The following MDGA2 variants were observed in gnomAD, a reference collection of about 807,000 sequenced individuals.
MDGA2 encodes MAM domain-containing glycosylphosphatidylinositol anchor protein 2.
In MDGA2, 40 loss-of-function variants were observed where a neutral mutation model predicts 117.8. The ratio of observed to expected loss-of-function variants is 0.34; its 90% CI spans 0.26 to 0.44. MDGA2 has a LOEUF of 0.44. Ranked by LOEUF, MDGA2 falls within the 20% of genes least tolerant of loss-of-function variation. MDGA2 has a pLI of 1.00. For synonymous variants in MDGA2, 452 were observed against 439.0 expected (o/e 1.03, Z -0.37); for missense variants, 1,123 against 1,250.6 (o/e 0.90, Z 1.54).
chr14:47,632,218 A>G (rs1897256856), intron 1 of MDGA2, among the ~76,000 whole-genome samples: 1 of 152,172 alleles, frequency 6.6e-6, no homozygotes, highest in East Asian at 1.9e-4. Flanking sequence ...ACAAAATTTT[A>G]TCATCCATTT....
At chr14:46,876,766 T>C (rs923641882) in intron 12 of MDGA2, among the ~76,000 whole-genome samples, 15 of 151,548 alleles carry the variant, frequency 9.9e-5, no homozygotes, top group African/African-American at 3.1e-4. Flanking sequence ...CCAGAGACGA[T>C]GCTCTTTAGT....
At chr14:47,582,343 G>A (rs1878107317) in intron 1 of MDGA2, among the ~76,000 whole-genome samples, 1 of 151,802 alleles carries the variant, frequency 6.6e-6, no homozygotes, top group African/African-American at 2.4e-5. Context: ...CAGCAAAGAT[G>A]GAATCACAAT....
chr14:46,854,415 T>C (rs1881182156), intron 15 of MDGA2, among the ~76,000 whole-genome samples: 1 of 151,714 alleles, frequency 6.6e-6, no homozygotes, highest in Non-Finnish European at 1.5e-5. Context: ...TCCACTGAAA[T>C]AGCTTAATGA....
chr14:47,320,939 A>C (rs1223737458), intron 1 of MDGA2, among the ~76,000 whole-genome samples: 1 of 152,128 alleles, frequency 6.6e-6, no homozygotes, highest in Admixed American at 6.6e-5. Flanking sequence ...CTGAACCAAA[A>C]TCTTATAAGA....
At chr14:47,497,137 T>C (rs1028726992) in intron 1 of MDGA2, among the ~76,000 whole-genome samples, 6 of 152,188 alleles carry the variant, frequency 3.9e-5, no homozygotes, top group African/African-American at 1.4e-4. Flanking sequence ...TGGAGACCCC[T>C]GAAAAAGGAC....
At chr14:47,193,863 A>G (rs552240547) in intron 3 of MDGA2, among the ~76,000 whole-genome samples, 3 of 152,200 alleles carry the variant, frequency 2.0e-5, no homozygotes, top group Non-Finnish European at 2.9e-5. Flanking sequence ...TATAACAATA[A>G]AGGACAGTAG....
chr14:47,198,443 G>A (rs1292525531), intron 3 of MDGA2, among the ~76,000 whole-genome samples: 2 of 152,042 alleles, frequency 1.3e-5, no homozygotes, highest in Non-Finnish European at 2.9e-5. Flanking sequence ...TTGGTGGCAG[G>A]CACCTGTAGT....
chr14:46,919,623 T>A (rs1197608584), intron 10 of MDGA2, among the ~76,000 whole-genome samples: 2 of 152,218 alleles, frequency 1.3e-5, no homozygotes, highest in Non-Finnish European at 2.9e-5. Flanking sequence ...ATGTACAACT[T>A]CTGGCTTCTT....
At chr14:46,999,399 T>C (rs913763694) in intron 8 of MDGA2, among the ~76,000 whole-genome samples, 5 of 152,188 alleles carry the variant, frequency 3.3e-5, no homozygotes, top group African/African-American at 7.2e-5. Context: ...TGGAAAGGTA[T>C]TGCAAAACTA....
intron 1 of MDGA2, among the ~76,000 whole-genome samples, chr14:47,659,638 G>A (rs1013454781): frequency 6.6e-6 from 1 of 152,114 alleles, no homozygotes; most frequent in South Asian, 2.1e-4. Context: ...AGGTGTATAA[G>A]TGTATACCTC....
rs187940583 is a variant in MDGA2 at position 47,525,807 on chromosome 14, T to C, written c.280+148710A>G. ...AGATGTGTTTTTTTTCCATTATATTTACCCTCCTGGAGTGTACAGACTTTG... is the reference window on the plus strand; with the variant it reads ...AGATGTGTTTTTTTTCCATTATATTCACCCTCCTGGAGTGTACAGACTTTG... On this transcript the variant is annotated intron_variant, in intron 1 of 16. Transcript: ENST00000399232. Among the ~76,000 whole-genome samples, 4 of 152,218 alleles carry C rather than the reference T, an allele frequency of 2.6e-5. No homozygotes were observed. In the East Asian group the frequency reaches 7.7e-4, roughly 29 times the overall value.
At chr14:47,641,530 G>A (rs1336370090) in intron 1 of MDGA2, among the ~76,000 whole-genome samples, 1 of 152,002 alleles carries the variant, frequency 6.6e-6, no homozygotes. Context: ...GTGAAAGAGA[G>A]GATACCAAAA....
In MDGA2 at chr14:47,455,721, G is replaced by A. The variant is rs562641693; in HGVS notation, c.281-154171C>T. Among the ~76,000 whole-genome samples, 424 of 151,900 alleles carry A rather than the reference G, an allele frequency of 2.8e-3. 2 individuals carry two copies. Among genetic ancestry groups the A allele is most frequent in the African/African-American group, 0.01 (415 of 41,358 alleles). On this transcript the variant is annotated intron_variant, in intron 1 of 16. Coordinates refer to ENST00000399232, the MANE Select transcript of MDGA2 (RefSeq NM_001113498.3). ...TATTAGAGTATGAGTGAGAGGCTGC[G>A]TGCAATGGCTCACGCCTGTAATCCC...
intron 1 of MDGA2, among the ~76,000 whole-genome samples, chr14:47,307,880 T>C (rs748031340): frequency 6.6e-6 from 1 of 152,072 alleles, no homozygotes; most frequent in Non-Finnish European, 1.5e-5. Flanking sequence ...AGAGTGAGAA[T>C]AAGTTATGAT....
At chr14:47,406,474 T>A (rs1566772062) in intron 1 of MDGA2, among the ~76,000 whole-genome samples, 1 of 151,800 alleles carries the variant, frequency 6.6e-6, no homozygotes, top group Admixed American at 6.6e-5. Context: ...GGAAACGAAA[T>A]AAAAGTCTGA....
rs766929222 is a variant in MDGA2, at chr14:46,922,104, G to A, written c.2090-1944C>T. The stretch of plus-strand genomic sequence containing the variant: ...TTTTTTTTAGCATGGATAAAAAGGC[G>A]GGGGGGCAAACAGAATTTTTAGGAG... On this transcript the variant is annotated intron_variant, in intron 9 of 16. Coordinates refer to ENST00000399232, the MANE Select transcript of MDGA2 (RefSeq NM_001113498.3). 1.5e-4 allele frequency among the ~76,000 whole-genome samples: 22 copies of A among 150,310 alleles called. No homozygotes were observed. The East Asian group carries it at 1.9e-3, about 13-fold the overall frequency.
intron 14 of MDGA2, among the ~76,000 whole-genome samples, chr14:46,872,191 G>A (rs146700061): frequency 6.6e-6 from 1 of 152,020 alleles, no homozygotes; most frequent in African/African-American, 2.4e-5. Context: ...AAACTTAATT[G>A]AGAGTATTAC....
chr14:47,629,944 A>G (rs1042849941), intron 1 of MDGA2, among the ~76,000 whole-genome samples: 7 of 152,180 alleles, frequency 4.6e-5, no homozygotes, highest in Non-Finnish European at 8.8e-5. Context: ...CATGTCCAAT[A>G]AGCACCCAGG....
intron 9 of MDGA2, among the ~76,000 whole-genome samples, chr14:46,948,358 G>C (rs1885246413): frequency 6.6e-6 from 1 of 151,924 alleles, no homozygotes; most frequent in African/African-American, 2.4e-5. Context: ...GATGACCTAG[G>C]CTCTTGCTTG....
Sources: gnomAD v4.1 joint callset for allele counts (sites outside exome capture counted in the v4.1 genomes callset) on GRCh38, gnomAD v4.1.1 for gene constraint, MANE v1.5 for transcripts, NCBI Gene and HGNC (gene_info 2026-07-23, HGNC 2026-07-21) for gene names.